ATG2A: variants seen among roughly 807,000 people sequenced by gnomAD.
ATG2A encodes the protein autophagy related 2A, also known as autophagy-related protein 2 homolog A.
A neutral mutation model predicts 214.2 loss-of-function variants in ATG2A; 103 were observed. The ratio of observed to expected loss-of-function variants is 0.48; its 90% CI spans 0.41 to 0.57. ATG2A has a LOEUF of 0.57. Ranked by LOEUF, ATG2A falls within the 20% of genes least tolerant of loss-of-function variation. The pLI is 0.00. For missense variants in ATG2A, 2,312 were observed against 2,613.2 expected (o/e 0.88, Z 2.51); for synonymous variants, 1,160 against 1,142.1 (o/e 1.02, Z -0.32).
intron 1 of ATG2A, among the ~76,000 whole-genome samples, chr11:64,916,130 C>G (rs1208978029): frequency 6.6e-6 from 1 of 152,218 alleles, no homozygotes; most frequent in Non-Finnish European, 1.5e-5. Context: ...CTTCAAAGCT[C>G]CCCAGGTCAG....
chr11:64,898,683 A>G lies in ATG2A; in HGVS notation c.4624T>C (p.Tyr1542His). The change falls in exon 32 of 41, where the codon TAC becomes CAC. Residue 1542 changes from tyrosine to histidine, a missense_variant. Coordinates refer to ENST00000377264, the MANE Select transcript of ATG2A (RefSeq NM_015104.3). The surrounding 1 kb of genome is among the most constrained non-coding windows in gnomAD (Gnocchi z 4.5). ...LASSQINKFL[Y>H]LHTSERMPRR... ...GGCATCCGCTCACTCGTGTGTAGGT[A>G]CAGGAACTTGTTGATCTGGGAGGAG... 6.2e-7 allele frequency: 1 copy of G among 1,614,038 alleles called. No homozygotes were observed. The highest frequency in any genetic ancestry group is 8.5e-7 in the Non-Finnish European group (1 of 1,180,020).
rs774458347 is a variant in ATG2A, at chr11:64,900,556, A to G, written c.4402T>C (p.Trp1468Arg). 13 of 1,613,368 alleles carry G rather than the reference A, an allele frequency of 8.1e-6. No homozygotes were observed. Among genetic ancestry groups the G allele is most frequent in the Non-Finnish European group, 1.0e-5 (12 of 1,179,984 alleles). The stretch of plus-strand genomic sequence containing the variant: ...CGCCCGCTGCCCCCCTGCGTGCGCC[A>G]TGAGTTCTGGGGCCGGTTGGGGCCA... Reference protein sequence around the residue: ...CSGPNRPQNSWRTQGGSGRQH... With the variant: ...CSGPNRPQNSRRTQGGSGRQH... The change falls in exon 31 of 41, where the codon TGG becomes CGG. Residue 1468 changes from tryptophan to arginine, a missense_variant. Transcript: ENST00000377264.
Position 64,898,613 on chromosome 11 carries a change from T to G in ATG2A, c.4671+23A>C. The G allele has an allele frequency of 6.2e-7, 1 of 1,606,342 alleles. No homozygotes were observed. The highest frequency in any genetic ancestry group is 8.5e-7 in the Non-Finnish European group (1 of 1,173,398). ...AACGGTCTGGTGCCCTGCCCCAGGG[T>G]GGATGGTGCAGGTCGCTCATACCAT... On this transcript the variant is annotated intron_variant, in intron 32 of 40. Coordinates refer to ENST00000377264, the MANE Select transcript of ATG2A (RefSeq NM_015104.3). The surrounding 1 kb of genome is among the most constrained non-coding windows in gnomAD (Gnocchi z 4.5).
intron 26 of ATG2A, 54 bp from the exon 27 acceptor site, chr11:64,902,734 C>A: frequency 6.6e-7 from 1 of 1,519,062 alleles, no homozygotes; most frequent in Non-Finnish European, 9.0e-7. Context: ...CCACTGCCTG[C>A]TGGCCCCACC....
chr11:64,908,423 G>A (rs1303364674), intron 16 of ATG2A, among the ~76,000 whole-genome samples: 2 of 152,132 alleles, frequency 1.3e-5, no homozygotes, highest in Non-Finnish European at 1.5e-5. Flanking sequence ...GTGGTGGCAC[G>A]CGCCTGTAAT....
Position 64,902,399 on chromosome 11 carries a change from G to A in ATG2A, c.3778-13C>T, listed in dbSNP as rs1447827819. On this transcript the variant is annotated splice_polypyrimidine_tract_variant and intron_variant, in intron 27 of 40. Coordinates refer to ENST00000377264, the MANE Select transcript of ATG2A (RefSeq NM_015104.3). ...GACTCTCCGAGAGCTGGGCCAGGCA[G>A]GGGAGGAGCAATGAGTGAGACAGGA... The A allele has an allele frequency of 1.9e-6, 3 of 1,551,818 alleles. No homozygotes were observed. The East Asian group carries it at 7.2e-5, about 37-fold the overall frequency.
chr11:64,907,846 G>A lies in ATG2A; in HGVS notation c.2409C>T (p.Ser803=). The change falls in exon 17 of 41, where the codon AGC becomes AGT. Residue 803 remains serine (S), a synonymous_variant. Transcript: ENST00000377264. The stretch of plus-strand genomic sequence containing the variant: ...TGCAGCGGGACAGTGCCAGGGTCCG[G>A]CTCTGGAACGTCCTCATCTCCTCAG... ...GDPEEMRTFQ[S]RTLALSRCSL... The A allele has an allele frequency of 6.2e-7, 1 of 1,613,140 alleles. No individual in the cohort carries two copies. Among genetic ancestry groups the A allele is most frequent in the Non-Finnish European group, 8.5e-7 (1 of 1,179,884 alleles).
Position 64,907,186 on chromosome 11 carries a change from C to T in ATG2A, c.2832+69G>A, listed in dbSNP as rs1295689599. On this transcript the variant is annotated intron_variant, in intron 19 of 40. Transcript: ENST00000377264. ...CACATTCTTGACCTGGAGCTGCTCG[C>T]GCTGGTCTTGCTCTGCCGCCAATGG... The T allele has an allele frequency of 1.0e-5, 15 of 1,435,702 alleles. 2 individuals are homozygous for T. The East Asian group carries it at 2.3e-4, about 22-fold the overall frequency. 88.9% of individuals were successfully genotyped at this position (1,435,702 alleles called of 1,614,324 possible).
rs1379363505 is a variant in ATG2A, at chr11:64,896,616, A to G, written c.5273T>C (p.Phe1758Ser). 1 of 1,613,120 alleles carries G rather than the reference A, an allele frequency of 6.2e-7. No homozygotes were observed. The highest frequency in any genetic ancestry group is 8.5e-7 in the Non-Finnish European group (1 of 1,179,334). ...CCACAGCAGGTCCCGGAACCCTTGG[A>G]CTAGGGGGAAGGAGCGCTCAGAGAC... ...VGPMHSVVQL[F>S]QGFRDLLWLP... is the part of the protein sequence containing the mutation. Residue 1758 changes from phenylalanine to serine, a missense_variant and splice_region_variant, in exon 39 of 41, where the codon TTC (phenylalanine) becomes TCC (serine). Phe to Ser is a radical substitution (Grantham distance 155). Coordinates refer to ENST00000377264, the MANE Select transcript of ATG2A (RefSeq NM_015104.3).
At chr11:64,900,396 GT>G in intron 31 of ATG2A, 97 bp downstream of exon 31, 1 of 1,575,362 alleles carries the variant, frequency 6.3e-7, no homozygotes, top group Non-Finnish European at 8.6e-7. Flanking sequence ...AAAGGCAGGG[GT>G]TTTCCTCTGC....
chr11:64,909,968 C>A, intron 13 of ATG2A, 44 bp from the exon 14 acceptor site: 1 of 1,575,196 alleles, frequency 6.3e-7, no homozygotes. Flanking sequence ...GAGCCCCTCC[C>A]ACTGTGACCA....
Position 64,894,558 on chromosome 11 carries a change from G to A in ATG2A, c.*415C>T, listed in dbSNP as rs938507311. ...CTGAGAGGGGGGCTGGCGGTGGGCA[G>A]TTTATTCCACTTCATGCAGACACTG... On this transcript the variant is annotated 3_prime_UTR_variant, in exon 41 of 41. Transcript: ENST00000377264. The A allele has an allele frequency of 1.2e-4, 58 of 474,296 alleles. No individual in the cohort carries two copies. In the Admixed American group the frequency reaches 1.3e-3, roughly 11 times the overall value. The allele number at this position is 474,296 out of a possible 1,614,324, so 29.4% of individuals were successfully genotyped here. A position where few individuals can be genotyped will look rare whatever the true frequency, so the allele number is the denominator to read the frequency against.
intron 39 of ATG2A, among the ~76,000 whole-genome samples, 181 bp downstream of exon 39, chr11:64,896,281 A>T (rs1196644944): frequency 6.6e-6 from 1 of 152,046 alleles, no homozygotes; most frequent in Non-Finnish European, 1.5e-5. Context: ...GCCTCGGGAG[A>T]CCTGGCTTGG....
In ATG2A at chr11:64,898,468, G is replaced by A; in HGVS notation, c.4672-106C>T. ...CAGCCACCCTGCCTCTGAACACGCT[G>A]TTCCCTTCGCTAACACAGCCCCTAG... On this transcript the variant is annotated intron_variant, in intron 32 of 40. Coordinates refer to ENST00000377264, the MANE Select transcript of ATG2A (RefSeq NM_015104.3). This position sits in a 1 kb window ranked among gnomAD's most constrained non-coding sequence, Gnocchi z 4.5. 2 of 1,330,374 alleles carry A rather than the reference G, an allele frequency of 1.5e-6. No homozygotes were observed. The highest frequency in any genetic ancestry group is 2.2e-5 in the Admixed American group (1 of 46,212). 82.4% of individuals were successfully genotyped at this position (1,330,374 alleles called of 1,614,324 possible).
intron 9 of ATG2A, among the ~76,000 whole-genome samples, 188 bp from the exon 10 acceptor site, chr11:64,911,463 A>G (rs1944771698): frequency 6.6e-6 from 1 of 152,140 alleles, no homozygotes; most frequent in Non-Finnish European, 1.5e-5. Context: ...CCCAGGCTCA[A>G]CTGAACCCTC....
chr11:64,910,111 C>T lies in ATG2A; in HGVS notation c.1792G>A (p.Gly598Arg). The change falls in exon 13 of 41, where the codon GGG (glycine) becomes AGG (arginine). Residue 598 changes from glycine to arginine, a missense_variant. Gly to Arg is a moderately radical substitution (Grantham distance 125, BLOSUM62 -2). Transcript: ENST00000377264. ...LANFQADVEL[G>R]ALDRLAALLR... ...AGGGCGGCCAGCCGGTCCAGGGCCC[C>T]CAGCTCCACGTCCGCCTGGAAGTTG... 1 of 1,611,696 alleles carries T rather than the reference C, an allele frequency of 6.2e-7. No individual in the cohort carries two copies. The highest frequency in any genetic ancestry group is 8.5e-7 in the Non-Finnish European group (1 of 1,179,566).
chr11:64,917,176 C>G lies in ATG2A; in HGVS notation c.-41G>C, dbSNP rs1445913434. 16 of 1,551,744 alleles carry G rather than the reference C, an allele frequency of 1.0e-5. No homozygotes were observed. The East Asian group carries it at 3.7e-4, about 36-fold the overall frequency. On this transcript the variant is annotated 5_prime_UTR_variant, in exon 1 of 41. Coordinates refer to ENST00000377264, the MANE Select transcript of ATG2A (RefSeq NM_015104.3). ...GCCTGGGCCGCCTCCGCTTGCCGCC[C>G]GCCGGCGATCCCCGTCCGGCTCCGC...
At chr11:64,912,542 T>A in intron 6 of ATG2A, 119 bp from the exon 7 acceptor site, 1 of 802,352 alleles carries the variant, frequency 1.2e-6, no homozygotes, top group Non-Finnish European at 1.9e-6. Context: ...TAAACTCTGT[T>A]ACCAACTAGC....
intron 39 of ATG2A, among the ~76,000 whole-genome samples, 171 bp downstream of exon 39, chr11:64,896,291 G>T (rs2136535096): frequency 6.6e-6 from 1 of 152,350 alleles, no homozygotes; most frequent in African/African-American, 2.4e-5. Context: ...ACCTGGCTTG[G>T]AGGTCCCAGG....
Sources: gnomAD v4.1 joint callset for allele counts (sites outside exome capture counted in the v4.1 genomes callset) on GRCh38, gnomAD v4.1.1 for gene constraint, Gnocchi (gnomAD v3.1) non-coding constraint, MANE v1.5 for transcripts, NCBI Gene and HGNC (gene_info 2026-07-23, HGNC 2026-07-21) for gene names.